IL1RAPL2: variants seen among roughly 807,000 people sequenced by gnomAD.
IL1RAPL2 encodes the protein X-linked interleukin-1 receptor accessory protein-like 2.
IL1RAPL2 carries 3 observed loss-of-function variants against 44.1 expected under a neutral mutation model. That is an observed-to-expected ratio of 0.07 (90% confidence interval 0.03 to 0.18). The LOEUF is 0.18. Ranked by LOEUF, IL1RAPL2 falls within the 10% of genes least tolerant of loss-of-function variation. IL1RAPL2 has a pLI of 1.00. For synonymous variants in IL1RAPL2, 181 were observed against 178.8 expected (o/e 1.01, Z -0.10); for missense variants, 391 against 496.4 (o/e 0.79, Z 2.02).
rs1163480673 is a variant in IL1RAPL2 at position 105,447,342 on chromosome X, TATATAAATATATAAATATATAA to T, written c.698-36905_698-36884del. ...ATATAAATATATATAAAAATATAAA[TATATAAATATATAAATATATAA>T]ATATAAATATATAAATATATAAATA... On this transcript the variant is annotated intron_variant, in intron 5 of 10. Transcript: ENST00000372582. Among the ~76,000 whole-genome samples the T allele has an allele frequency of 7.4e-3, 440 of 59,275 alleles. 6 individuals carry two copies. The highest frequency in any genetic ancestry group is 0.011 in the Non-Finnish European group (373 of 34,881). 51.5% of individuals were successfully genotyped at this position (59,275 alleles called of 115,157 possible). A position where few individuals can be genotyped will look rare whatever the true frequency, so the allele number is the denominator to read the frequency against.
intron 2 of IL1RAPL2, among the ~76,000 whole-genome samples, chrX:104,669,632 C>T (rs1299240792): frequency 9.0e-6 from 1 of 111,382 alleles, no homozygotes; most frequent in East Asian, 2.8e-4. Flanking sequence ...TGGGCTGGGG[C>T]CTCGGAATCT....
At chrX:105,100,877 G>A (rs1185707482) in intron 2 of IL1RAPL2, among the ~76,000 whole-genome samples, 2 of 112,435 alleles carry the variant, frequency 1.8e-5, no homozygotes, top group Admixed American at 9.4e-5. Flanking sequence ...ATTCTGTGAA[G>A]TTTAACTTGC....
At chrX:105,586,424 T>C (rs937936106) in intron 6 of IL1RAPL2, among the ~76,000 whole-genome samples, 3 of 111,981 alleles carry the variant, frequency 2.7e-5, no homozygotes, top group African/African-American at 9.7e-5. Flanking sequence ...GCTTAACCAT[T>C]GTTGAAGACA....
chrX:105,065,428 A>G (rs778487829), intron 2 of IL1RAPL2, among the ~76,000 whole-genome samples: 1 of 111,854 alleles, frequency 8.9e-6, no homozygotes, highest in Admixed American at 9.5e-5. Context: ...CATCGTAAAA[A>G]GCACTAGTTT....
At chrX:104,996,661 T>C (rs953349730) in intron 2 of IL1RAPL2, among the ~76,000 whole-genome samples, 2 of 112,004 alleles carry the variant, frequency 1.8e-5, no homozygotes, top group Non-Finnish European at 3.8e-5. Flanking sequence ...ATTTAACAAA[T>C]GGTTATTAAG....
chrX:105,642,345 G>C (rs1040749685), intron 6 of IL1RAPL2, among the ~76,000 whole-genome samples: 1 of 112,301 alleles, frequency 8.9e-6, no homozygotes, highest in Non-Finnish European at 1.9e-5. Flanking sequence ...AAGTGGAATT[G>C]TAGAATATCA....
chrX:104,809,426 G>C, intron 2 of IL1RAPL2, among the ~76,000 whole-genome samples: 1 of 111,382 alleles, frequency 9.0e-6, no homozygotes, highest in Non-Finnish European at 1.9e-5. Context: ...ATTCTAACTG[G>C]TGTGAGATGG....
intron 2 of IL1RAPL2, among the ~76,000 whole-genome samples, chrX:105,020,556 A>T (rs377515900): frequency 8.9e-6 from 1 of 111,978 alleles, no homozygotes; most frequent in African/African-American, 3.2e-5. Context: ...TACTTACTAC[A>T]TAAGGCTATG....
At chrX:105,195,331 C>G (rs1268748231) in intron 2 of IL1RAPL2, 144 bp from the exon 3 acceptor site, 6 of 569,930 alleles carry the variant, frequency 1.1e-5, no homozygotes, top group Admixed American at 3.2e-5. Context: ...AAGCAAGATA[C>G]AAGTCTATCT....
At chrX:105,560,494 C>CTGGA (rs773346827) in intron 6 of IL1RAPL2, among the ~76,000 whole-genome samples, 190 of 111,307 alleles carry the variant, frequency 1.7e-3, no homozygotes, top group Non-Finnish European at 3.0e-3. Flanking sequence ...TCTTGGCTCA[C>CTGGA]TGGAACCTCT....
rs146804464 is a variant in IL1RAPL2 at position 105,392,834 on chromosome X, A to T, written c.698-91479A>T. On this transcript the variant is annotated intron_variant, in intron 5 of 10. Transcript: ENST00000372582. ...GTGTTTTCTCCAGATTCTGACTTTG[A>T]TACAAACATTCAAAATCTTTAATAG... Among the ~76,000 whole-genome samples, 584 of 112,609 alleles carry T rather than the reference A, an allele frequency of 5.2e-3. 5 individuals are homozygous for T. Among genetic ancestry groups the T allele is most frequent in the African/African-American group, 0.018 (556 of 31,036 alleles).
chrX:105,763,597 G>T (rs1440032593), intron 10 of IL1RAPL2, among the ~76,000 whole-genome samples: 1 of 109,904 alleles, frequency 9.1e-6, no homozygotes, highest in Non-Finnish European at 1.9e-5. Flanking sequence ...CAAGTAAAAA[G>T]AAAAGAGAAT....
At chrX:105,042,390 A>C (rs964492944) in intron 2 of IL1RAPL2, among the ~76,000 whole-genome samples, 3 of 110,294 alleles carry the variant, frequency 2.7e-5, no homozygotes, top group Non-Finnish European at 5.7e-5. Flanking sequence ...AGAAAGAAAC[A>C]AACAACCCCA....
At chrX:105,326,683 G>A (rs2034941836) in intron 5 of IL1RAPL2, among the ~76,000 whole-genome samples, 1 of 111,412 alleles carries the variant, frequency 9.0e-6, no homozygotes, top group Admixed American at 9.6e-5. Flanking sequence ...TTGTACCTAT[G>A]TAAAAAATAT....
At chrX:105,323,768 C>T (rs1172685157) in intron 5 of IL1RAPL2, among the ~76,000 whole-genome samples, 4 of 109,702 alleles carry the variant, frequency 3.6e-5, no homozygotes, top group East Asian at 2.9e-4. Context: ...CCCAGCTACT[C>T]AGGAGGCTGA....
At chrX:105,437,889 T>A (rs2035892804) in intron 5 of IL1RAPL2, among the ~76,000 whole-genome samples, 1 of 111,813 alleles carries the variant, frequency 8.9e-6, no homozygotes, top group African/African-American at 3.3e-5. Context: ...GTTTTTAGCA[T>A]GACACTTAAG....
intron 2 of IL1RAPL2, among the ~76,000 whole-genome samples, chrX:104,695,045 GTCTTGGTCTGCTACT>G (rs1441250965): frequency 2.7e-5 from 3 of 112,070 alleles, no homozygotes; most frequent in Non-Finnish European, 5.6e-5. Flanking sequence ...CCATTGATGT[GTCTTGGTCTGCTACT>G]TCTGCCATTA....
At chrX:105,504,500 A>G (rs1051425578) in intron 6 of IL1RAPL2, among the ~76,000 whole-genome samples, 34 of 111,870 alleles carry the variant, frequency 3.0e-4, no homozygotes, top group African/African-American at 1.1e-3. Context: ...GTATTGATGC[A>G]GCAACATCAG....
At chrX:105,600,685 AT>A (rs1352386886) in intron 6 of IL1RAPL2, among the ~76,000 whole-genome samples, 42 of 108,695 alleles carry the variant, frequency 3.9e-4, no homozygotes, top group African/African-American at 1.4e-3. Flanking sequence ...ATAATAGAAT[AT>A]TTAATTAATT....
Sources: allele counts gnomAD v4.1 joint callset (sites outside exome capture counted in the v4.1 genomes callset), GRCh38; gene constraint gnomAD v4.1.1; transcripts MANE v1.5; gene names NCBI Gene and HGNC (gene_info 2026-07-23, HGNC 2026-07-21).